Variants in EPRS1 observed in about 807,000 individuals in gnomAD.
The protein encoded by EPRS1 is bifunctional glutamate/proline--tRNA ligase.
A neutral mutation model predicts 188.3 loss-of-function variants in EPRS1; 107 were observed. The observed-to-expected ratio is 0.57, with a 90% CI of 0.49 to 0.67. The LOEUF is 0.67. EPRS1 is among the 30% of genes least tolerant of loss of function. The pLI is 0.00. For synonymous variants in EPRS1, 596 were observed against 593.1 expected (o/e 1.00, Z -0.07); for missense variants, 1,577 against 1,802.2 (o/e 0.88, Z 2.26).
intron 17 of EPRS1, among the ~76,000 whole-genome samples, chr1:220,000,766 A>AG (rs1661334758): frequency 6.6e-6 from 1 of 152,162 alleles, no homozygotes; most frequent in Non-Finnish European, 1.5e-5. Context: ...GTTTCACCTG[A>AG]GGTCAGGAGT....
At chr1:219,972,506 AAT>A (rs1018638621) in intron 29 of EPRS1, among the ~76,000 whole-genome samples, 2 of 151,966 alleles carry the variant, frequency 1.3e-5, no homozygotes, top group East Asian at 3.9e-4. Flanking sequence ...GATTCAGAGG[AAT>A]ATATATATAT....
At chr1:220,020,343 CAAAA>C in intron 9 of EPRS1, 122 bp from the exon 10 acceptor site, 1 of 664,460 alleles carries the variant, frequency 1.5e-6, no homozygotes, top group Non-Finnish European at 2.5e-6. Context: ...TCTTAAAAAC[CAAAA>C]GGTTTTATGA....
At chr1:220,029,585 A>G (rs1662049242) in intron 6 of EPRS1, among the ~76,000 whole-genome samples, 1 of 152,222 alleles carries the variant, frequency 6.6e-6, no homozygotes, top group South Asian at 2.1e-4. Context: ...TAAATTTGGA[A>G]ATCTTAAATT....
At chr1:219,986,152 A>G (rs142345741) in intron 20 of EPRS1, among the ~76,000 whole-genome samples, 78 of 152,338 alleles carry the variant, frequency 5.1e-4, no homozygotes, top group Non-Finnish European at 8.5e-4. Flanking sequence ...CAAATGTAAA[A>G]CCAAAGTATC....
Position 220,006,218 on chromosome 1 carries a change from G to C in EPRS1, c.1838C>G (p.Thr613Ser). ...TACTGGAATAGGAAGAGCATGTGTA[G>C]TCTCTGCAAGCCAAGTGACCTTAGT... is the stretch of plus-strand genomic sequence containing the variant. ...KTTKVTWLAETTHALPIPVIC... is the reference protein window; with the variant it reads ...KTTKVTWLAESTHALPIPVIC... The change falls in exon 15 of 32, where the codon ACT becomes AGT. Residue 613 changes from threonine (T) to serine (S), a missense_variant. By Grantham distance (58) the Thr-to-Ser change is moderately conservative (BLOSUM62 1). Around this residue, in one of 3 missense-constraint regions of EPRS1, gnomAD observed 1,278 missense variants for 1,457.4 expected, o/e 0.88. Transcript: ENST00000366923. 1 of 1,605,614 alleles carries C rather than the reference G, an allele frequency of 6.2e-7. No homozygotes were observed. Among genetic ancestry groups the C allele is most frequent in the Non-Finnish European group, 8.5e-7 (1 of 1,174,656 alleles).
rs778623218 is a variant in EPRS1, at chr1:220,020,050, G to T, written c.1287C>A (p.Asn429Lys). 6.2e-7 allele frequency: 1 copy of T among 1,614,046 alleles called. No homozygotes were observed. Among genetic ancestry groups the T allele is most frequent in the South Asian group, 1.1e-5 (1 of 91,080 alleles). The change falls in exon 10 of 32, where the codon AAC (asparagine) becomes AAA (lysine). Residue 429 changes from asparagine (N) to lysine (K), a missense_variant. By Grantham distance (94) the Asn-to-Lys change is moderately conservative (BLOSUM62 0). Around this residue, in one of 3 missense-constraint regions of EPRS1, gnomAD observed 1,278 missense variants for 1,457.4 expected, o/e 0.88. Coordinates refer to ENST00000366923, the MANE Select transcript of EPRS1 (RefSeq NM_004446.3). ...YIWEYSRLNL[N>K]NTVLSKRKLT... is the part of the protein sequence containing the mutation. ...GTTTTCTTTTGGATAGCACTGTGTT[G>T]TTGAGATTTAGCCGACTATATTCCC...
chr1:219,982,666 G>A (rs1258889956), intron 23 of EPRS1, 106 bp downstream of exon 23: 12 of 826,610 alleles, frequency 1.5e-5, no homozygotes, highest in Middle Eastern at 4.6e-4. Context: ...ATGTTATATC[G>A]TCAACAGAGA....
chr1:220,042,930 C>T (rs1428152134), intron 1 of EPRS1, among the ~76,000 whole-genome samples: 1 of 151,892 alleles, frequency 6.6e-6, no homozygotes, highest in Non-Finnish European at 1.5e-5. Context: ...AAAAAACAAA[C>T]AAACAAAAAA....
chr1:220,020,866 A>G lies in EPRS1; in HGVS notation c.1116-645T>C, dbSNP rs1396069954. On this transcript the variant is annotated intron_variant, in intron 9 of 31. Coordinates refer to ENST00000366923, the MANE Select transcript of EPRS1 (RefSeq NM_004446.3). The stretch of plus-strand genomic sequence containing the variant: ...TATATATATATATATATATATATAT[A>G]TATATTAGTGCATTATGCTTTCTTT... 1.0e-4 allele frequency among the ~76,000 whole-genome samples: 6 copies of G among 59,822 alleles called. No individual in the cohort carries two copies. The Admixed American group carries it at 1.1e-3, about 11-fold the overall frequency. The allele number at this position is 59,822 out of a possible 152,430, so 39.2% of individuals were successfully genotyped here.
chr1:219,977,971 T>G (rs1285852556), intron 28 of EPRS1, among the ~76,000 whole-genome samples: 1 of 152,210 alleles, frequency 6.6e-6, no homozygotes, highest in East Asian at 1.9e-4. Flanking sequence ...AAAAATGTTG[T>G]AAGTTTATAA....
At position 220,038,243 on chromosome 1, in the gene EPRS1, C is replaced by T. The variant is rs535493166; in HGVS notation, c.131+1942G>A. 2.2e-4 allele frequency among the ~76,000 whole-genome samples: 34 copies of T among 151,796 alleles called. 1 individual carries two copies. In the South Asian group the frequency reaches 6.7e-3, roughly 30 times the overall value. Reference sequence around the variant, plus strand: ...GATTACAGGCATGCACAACCATGCCCGGCAAGTTTTGTATTTTTAGTAGAG... The same window carrying T: ...GATTACAGGCATGCACAACCATGCCTGGCAAGTTTTGTATTTTTAGTAGAG... On this transcript the variant is annotated intron_variant, in intron 2 of 31. Transcript: ENST00000366923.
At chr1:220,045,196 T>C (rs1662377982) in intron 1 of EPRS1, among the ~76,000 whole-genome samples, 2 of 152,174 alleles carry the variant, frequency 1.3e-5, no homozygotes, top group Admixed American at 1.3e-4. Context: ...ATCATACATA[T>C]GCATTAACAA....
intron 28 of EPRS1, among the ~76,000 whole-genome samples, chr1:219,977,651 T>C (rs540645463): frequency 1.3e-5 from 2 of 152,206 alleles, no homozygotes; most frequent in South Asian, 4.1e-4. Flanking sequence ...AAATCATGTT[T>C]AGAAAAGCAT....
In EPRS1 at chr1:219,979,598, A is replaced by G; in HGVS notation, c.3729T>C (p.His1243=). ...GRAIQGGTSH[H]LGQNFSKMFE... is the part of the protein sequence containing the mutation. ...ACATTTTGGAAAAATTCTGCCCTAA[A>G]TGATGTGATGTTCCTCCCTAAAATA... The change falls in exon 27 of 32, where the codon CAT becomes CAC. Residue 1243 remains histidine (H), a synonymous_variant. Transcript: ENST00000366923. 1 of 1,612,254 alleles carries G rather than the reference A, an allele frequency of 6.2e-7. No homozygotes were observed. Among genetic ancestry groups the G allele is most frequent in the South Asian group, 1.1e-5 (1 of 91,034 alleles).
At position 219,968,844 on chromosome 1, in the gene EPRS1, G is replaced by T. The variant is rs1336269992; in HGVS notation, c.4501C>A (p.Pro1501Thr). 6.2e-7 allele frequency: 1 copy of T among 1,614,124 alleles called. No homozygotes were observed. Among genetic ancestry groups the T allele is most frequent in the Non-Finnish European group, 8.5e-7 (1 of 1,180,020 alleles). Reference sequence around the variant, plus strand: ...CCAAATAAGGTGTAGTACTTGGCAGGGTTCTTGCCACAGACACATTTGGCT... The same window carrying T: ...CCAAATAAGGTGTAGTACTTGGCAGTGTTCTTGCCACAGACACATTTGGCT... ...PGAKCVCGKNPAKYYTLFGRS... is the reference protein window; with the variant it reads ...PGAKCVCGKNTAKYYTLFGRS... Residue 1501 changes from proline to threonine, a missense_variant, in exon 32 of 32, where the codon CCT (proline) becomes ACT (threonine). By Grantham distance (38) the Pro-to-Thr change is conservative. Coordinates refer to ENST00000366923, the MANE Select transcript of EPRS1 (RefSeq NM_004446.3).
intron 13 of EPRS1, among the ~76,000 whole-genome samples, chr1:220,010,476 A>C (rs569769301): frequency 5.8e-4 from 88 of 152,302 alleles, no homozygotes; most frequent in Admixed American, 1.5e-3. Context: ...AATCCAAAAA[A>C]GATTTACTTC....
At chr1:219,987,062 G>T in intron 20 of EPRS1, 80 bp downstream of exon 20, 1 of 1,452,842 alleles carries the variant, frequency 6.9e-7, no homozygotes, top group Non-Finnish European at 9.3e-7. Flanking sequence ...GGTTAAACCA[G>T]TCAAAATTTG....
At chr1:220,034,589 C>T (rs189518787) in intron 3 of EPRS1, among the ~76,000 whole-genome samples, 129 of 152,200 alleles carry the variant, frequency 8.5e-4, no homozygotes, top group Admixed American at 1.5e-3. Context: ...CTGCCTTATC[C>T]GTAAAGTAAG....
chr1:219,968,613 TTTA>T lies in EPRS1; in HGVS notation c.*190_*192del. 1 of 558,386 alleles carries T rather than the reference TTTA, an allele frequency of 1.8e-6. No individual in the cohort carries two copies. Among genetic ancestry groups the T allele is most frequent in the Non-Finnish European group, 3.2e-6 (1 of 313,408 alleles). 34.6% of individuals were successfully genotyped at this position (558,386 alleles called of 1,614,324 possible). On this transcript the variant is annotated 3_prime_UTR_variant, in exon 32 of 32. Coordinates refer to ENST00000366923, the MANE Select transcript of EPRS1 (RefSeq NM_004446.3). The stretch of plus-strand genomic sequence containing the variant: ...ACAAAAACCATATTAGTTCATGATA[TTTA>T]TTACTGGAGTTGTTTACAGAAAAGT...
Sources: allele counts gnomAD v4.1 joint callset (sites outside exome capture counted in the v4.1 genomes callset), GRCh38; gene constraint gnomAD v4.1.1; regional missense constraint gnomAD v4.1.1; transcripts MANE v1.5; gene names NCBI Gene and HGNC (gene_info 2026-07-23, HGNC 2026-07-21).